RAB7A: variants seen among roughly 807,000 people sequenced by gnomAD.
The protein encoded by RAB7A is ras-related protein Rab-7a.
RAB7A carries 2 observed loss-of-function variants against 24.5 expected under a neutral mutation model. The ratio of observed to expected loss-of-function variants is 0.08; its 90% CI spans 0.03 to 0.26. The LOEUF (loss-of-function observed/expected upper bound fraction) is 0.26, where lower values mean the gene tolerates loss of function less well. RAB7A is among the 10% of genes least tolerant of loss of function. The pLI, the probability that RAB7A is intolerant of heterozygous loss-of-function variation, is 1.00. For missense variants in RAB7A, 118 were observed against 255.7 expected (o/e 0.46, Z 3.67); for synonymous variants, 100 against 95.9 (o/e 1.04, Z -0.25).
chr3:128,766,340 CA>C (rs1296645537), intron 1 of RAB7A, among the ~76,000 whole-genome samples: 2 of 152,096 alleles, frequency 1.3e-5, no homozygotes, highest in Non-Finnish European at 2.9e-5. Flanking sequence ...AAGTAAATAA[CA>C]GTTATTCAAC....
At chr3:128,760,611 C>T (rs576442261) in intron 1 of RAB7A, among the ~76,000 whole-genome samples, 4 of 152,266 alleles carry the variant, frequency 2.6e-5, no homozygotes, top group East Asian at 3.9e-4. Flanking sequence ...GTCACCTAAC[C>T]GTCTGTTGAT....
intron 2 of RAB7A, among the ~76,000 whole-genome samples, chr3:128,796,380 A>G (rs1485540123): frequency 1.3e-5 from 2 of 151,978 alleles, no homozygotes; most frequent in Non-Finnish European, 2.9e-5. Context: ...TGAGCCCAGG[A>G]GTTTGAGGCT....
At chr3:128,728,916 C>T (rs2070407078) in intron 1 of RAB7A, among the ~76,000 whole-genome samples, 2 of 152,102 alleles carry the variant, frequency 1.3e-5, no homozygotes, top group Non-Finnish European at 2.9e-5. Context: ...TGATAGTGTA[C>T]TGGCCATAGT....
At chr3:128,753,786 C>T (rs1359115668) in intron 1 of RAB7A, among the ~76,000 whole-genome samples, 2 of 152,130 alleles carry the variant, frequency 1.3e-5, no homozygotes, top group Non-Finnish European at 2.9e-5. Context: ...CTAATCATCT[C>T]ATGAAAGCCC....
chr3:128,739,900 C>T (rs2070532903), intron 1 of RAB7A, among the ~76,000 whole-genome samples: 2 of 152,226 alleles, frequency 1.3e-5, no homozygotes, highest in Admixed American at 1.3e-4. Flanking sequence ...AACCCTGTCT[C>T]TACTAAAAAT....
intron 1 of RAB7A, among the ~76,000 whole-genome samples, chr3:128,748,318 G>A (rs2070640526): frequency 6.6e-6 from 1 of 152,140 alleles, no homozygotes; most frequent in South Asian, 2.1e-4. Context: ...TGGCAGGCAT[G>A]GTGGCTTTTC....
chr3:128,791,213 C>T (rs1933446223), intron 1 of RAB7A, among the ~76,000 whole-genome samples: 1 of 151,916 alleles, frequency 6.6e-6, no homozygotes, highest in Non-Finnish European at 1.5e-5. Flanking sequence ...GTGATCTCAG[C>T]TCACTGAAAC....
Position 128,795,750 on chromosome 3 carries a change from G to GTTTTTTTTTTTTTTTTTT in RAB7A, c.53+330_53+331insTTTTTTTTTTTTTTTTTT, listed in dbSNP as rs1491091651. On this transcript the variant is annotated intron_variant, in intron 2 of 5. Coordinates refer to ENST00000265062, the MANE Select transcript of RAB7A (RefSeq NM_004637.6). The stretch of plus-strand genomic sequence containing the variant: ...CATTGGCATCTGGCGTAGCAGATGT[G>GTTTTTTTTTTTTTTTTTT]CTTTTTTTTTTTTTTTTTGGAGACA... 1.0e-3 allele frequency among the ~76,000 whole-genome samples: 7 copies of GTTTTTTTTTTTTTTTTTT among 6,872 alleles called. 1 individual carries two copies. The highest frequency in any genetic ancestry group is 0.014 in the South Asian group (1 of 74). 4.5% of individuals were successfully genotyped at this position (6,872 alleles called of 152,430 possible).
At chr3:128,772,824 G>A (rs1464519016) in intron 1 of RAB7A, among the ~76,000 whole-genome samples, 3 of 152,230 alleles carry the variant, frequency 2.0e-5, no homozygotes, top group African/African-American at 4.8e-5. Flanking sequence ...GCTCCTAACC[G>A]CGAGTGATCT....
chr3:128,760,405 G>T (rs922980906), intron 1 of RAB7A, among the ~76,000 whole-genome samples: 1 of 152,152 alleles, frequency 6.6e-6, no homozygotes, highest in South Asian at 2.1e-4. Context: ...TATTGGTTCT[G>T]TTTATCTCTG....
chr3:128,804,114 G>GCCCCCCCC (rs200546571), intron 3 of RAB7A, among the ~76,000 whole-genome samples: 5 of 146,876 alleles, frequency 3.4e-5, no homozygotes, highest in African/African-American at 1.0e-4. Flanking sequence ...ACCTCCCTGG[G>GCCCCCCCC]CCCCCCCCCG....
At chr3:128,772,977 A>G (rs1322628545) in intron 1 of RAB7A, among the ~76,000 whole-genome samples, 4 of 152,110 alleles carry the variant, frequency 2.6e-5, no homozygotes, top group Non-Finnish European at 5.9e-5. Flanking sequence ...TGGCCTCCCA[A>G]AGTGCCGAGA....
At chr3:128,774,125 TCTA>T (rs1377017233) in intron 1 of RAB7A, among the ~76,000 whole-genome samples, 2 of 142,400 alleles carry the variant, frequency 1.4e-5, no homozygotes, top group Non-Finnish European at 3.1e-5. Flanking sequence ...TATAAGGTAA[TCTA>T]CATCTTCTGA....
At chr3:128,764,647 T>C (rs991277695) in intron 1 of RAB7A, 19 of 984,530 alleles carry the variant, frequency 1.9e-5, no homozygotes, top group South Asian at 1.5e-4. Context: ...GTCATTTTTG[T>C]CAGTGGCTAG....
chr3:128,737,857 T>TTTTA (rs2070507926), intron 1 of RAB7A, among the ~76,000 whole-genome samples: 1 of 129,684 alleles, frequency 7.7e-6, no homozygotes. Flanking sequence ...TTTTTTTTTT[T>TTTTA]AAGAGATAGA....
chr3:128,755,015 A>G (rs1326936597), intron 1 of RAB7A, among the ~76,000 whole-genome samples: 1 of 152,204 alleles, frequency 6.6e-6, no homozygotes, highest in Non-Finnish European at 1.5e-5. Context: ...AACCAAGTAG[A>G]TCTTACAGAC....
intron 1 of RAB7A, among the ~76,000 whole-genome samples, chr3:128,763,209 T>TATATATATATATATATATATATATATA (rs1553718917): frequency 1.6e-5 from 1 of 62,336 alleles, no homozygotes; most frequent in African/African-American, 1.1e-4. Context: ...TATATATATA[T>TATATATATATATATATATATATATATA]TTTTTTTTTT....
intron 1 of RAB7A, among the ~76,000 whole-genome samples, chr3:128,754,944 G>A (rs1217318042): frequency 1.3e-5 from 2 of 152,140 alleles, no homozygotes; most frequent in Non-Finnish European, 2.9e-5. Context: ...ACTTTAATGG[G>A]TAGAAGAACC....
chr3:128,745,226 A>G (rs935858979), intron 1 of RAB7A, among the ~76,000 whole-genome samples: 7 of 152,050 alleles, frequency 4.6e-5, no homozygotes, highest in South Asian at 2.1e-4. Flanking sequence ...CTGCGTGTCT[A>G]CCTGTTGCCT....
Sources: gnomAD v4.1 joint callset for allele counts (sites outside exome capture counted in the v4.1 genomes callset) on GRCh38, gnomAD v4.1.1 for gene constraint, MANE v1.5 for transcripts, NCBI Gene and HGNC (gene_info 2026-07-23, HGNC 2026-07-21) for gene names.